Variants in SLC25A12 observed in about 807,000 individuals in gnomAD.
The protein encoded by SLC25A12 is solute carrier family 25 member 12.
A neutral mutation model predicts 83.3 loss-of-function variants in SLC25A12; 32 were observed. The ratio of observed to expected loss-of-function variants is 0.38; its 90% CI spans 0.29 to 0.52. The LOEUF (loss-of-function observed/expected upper bound fraction) is 0.52. Ranked by LOEUF, SLC25A12 falls within the 20% of genes least tolerant of loss-of-function variation. SLC25A12 has a pLI of 0.84. For synonymous variants in SLC25A12, 267 were observed against 291.1 expected, an observed-to-expected ratio of 0.92 and a Z score of 0.84; for missense variants, 611 against 835.6, an observed-to-expected ratio of 0.73 and a Z score of 3.31.
At chr2:171,842,943 T>A (rs1388972489) in intron 5 of SLC25A12, among the ~76,000 whole-genome samples, 3 of 152,118 alleles carry the variant, frequency 2.0e-5, no homozygotes, top group African/African-American at 7.2e-5. Context: ...TGCCTCAGCC[T>A]CTCCAGTAGC....
At chr2:171,875,246 G>T (rs564389252) in intron 2 of SLC25A12, among the ~76,000 whole-genome samples, 1 of 152,208 alleles carries the variant, frequency 6.6e-6, no homozygotes, top group Non-Finnish European at 1.5e-5. Flanking sequence ...GTATTTGGAC[G>T]CGAGAAGTTT....
chr2:171,891,447 A>G (rs1685936185), intron 2 of SLC25A12, among the ~76,000 whole-genome samples: 1 of 152,230 alleles, frequency 6.6e-6, no homozygotes. Context: ...TTAAAGCTAG[A>G]AAGACCTCAA....
chr2:171,854,093 T>C (rs891565411), intron 4 of SLC25A12, among the ~76,000 whole-genome samples: 83 of 152,222 alleles, frequency 5.5e-4, no homozygotes, highest in African/African-American at 1.9e-3. Context: ...CTACTGAAAA[T>C]AGAAAATGCA....
chr2:171,861,332 T>G (rs1685155237), intron 3 of SLC25A12, among the ~76,000 whole-genome samples: 1 of 152,150 alleles, frequency 6.6e-6, no homozygotes, highest in Non-Finnish European at 1.5e-5. Context: ...TACTGCATTA[T>G]AATGCAACAA....
At chr2:171,856,785 T>A (rs2105906624) in intron 3 of SLC25A12, 1 of 152,184 alleles carries the variant, frequency 6.6e-6, no homozygotes, top group South Asian at 2.1e-4. Flanking sequence ...ATTTACAAGA[T>A]AATCCGGGAA....
chr2:171,783,885 G>A lies in SLC25A12; in HGVS notation c.*1389C>T, dbSNP rs1690439293. Among the ~76,000 whole-genome samples, 1 of 152,188 alleles carries A rather than the reference G, an allele frequency of 6.6e-6. No homozygotes were observed. The highest frequency in any genetic ancestry group is 1.5e-5 in the Non-Finnish European group (1 of 68,046). The stretch of plus-strand genomic sequence containing the variant: ...AGGGCTGTCAGCCATCAATCGAGGA[G>A]CACTGTGCAGGATACTAAGTAACTT... On this transcript the variant is annotated 3_prime_UTR_variant, in exon 18 of 18. Transcript: ENST00000422440.
intron 5 of SLC25A12, 141 bp downstream of exon 5, chr2:171,844,228 G>A: frequency 1.3e-6 from 1 of 779,642 alleles, no homozygotes; most frequent in Non-Finnish European, 2.1e-6. Flanking sequence ...TAAAGAAGTT[G>A]TCTCTGGCGA....
intron 3 of SLC25A12, among the ~76,000 whole-genome samples, chr2:171,858,276 T>C (rs911077835): frequency 6.6e-5 from 10 of 152,202 alleles, no homozygotes; most frequent in Admixed American, 4.6e-4. Context: ...AATGTGTTAA[T>C]TGATACAAGG....
At position 171,787,816 on chromosome 2, in the gene SLC25A12, G is replaced by A. The variant is rs911319543; in HGVS notation, c.1717C>T (p.Pro573Ser). ...CFRKILREEG[P>S]SAFWKGTAAR... ...GCAGTCCCTTTCCAAAATGCTGAGG[G>A]CCCTTCTTCCCGGAGAATCTTCCTG... The change falls in exon 16 of 18, where the codon CCC becomes TCC. Residue 573 changes from proline to serine, a missense_variant. Physicochemically the swap from Pro to Ser is moderately conservative, Grantham distance 74. Around this residue, in one of 3 missense-constraint regions of SLC25A12, gnomAD observed 540 missense variants for 777.5 expected, o/e 0.69. Coordinates refer to ENST00000422440, the MANE Select transcript of SLC25A12 (RefSeq NM_003705.5). 2.5e-6 allele frequency: 4 copies of A among 1,614,044 alleles called. No homozygotes were observed. Among genetic ancestry groups the A allele is most frequent in the East Asian group, 2.2e-5 (1 of 44,892 alleles).
At chr2:171,789,353 C>T (rs1053438380) in intron 15 of SLC25A12, among the ~76,000 whole-genome samples, 1 of 152,198 alleles carries the variant, frequency 6.6e-6, no homozygotes, top group Non-Finnish European at 1.5e-5. Context: ...CTCAGCCTCC[C>T]CAGTAGCTGG....
chr2:171,786,971 C>T (rs140161234), intron 17 of SLC25A12, among the ~76,000 whole-genome samples: 128 of 152,320 alleles, frequency 8.4e-4, no homozygotes, highest in Middle Eastern at 3.4e-3. Context: ...ATAATAAAAT[C>T]CACATAATGA....
chr2:171,885,505 C>T (rs928663674), intron 2 of SLC25A12, among the ~76,000 whole-genome samples: 2 of 151,828 alleles, frequency 1.3e-5, no homozygotes, highest in Non-Finnish European at 2.9e-5. Flanking sequence ...GATGGTGAAA[C>T]CCTGTCTCTA....
At chr2:171,817,861 A>G (rs932423596) in intron 9 of SLC25A12, among the ~76,000 whole-genome samples, 6 of 152,180 alleles carry the variant, frequency 3.9e-5, no homozygotes, top group African/African-American at 1.2e-4. Context: ...ATTTTTCTGT[A>G]TACTTTCTTC....
intron 9 of SLC25A12, among the ~76,000 whole-genome samples, chr2:171,823,915 T>C (rs1684244624): frequency 1.3e-5 from 2 of 148,784 alleles, no homozygotes; most frequent in Non-Finnish European, 3.0e-5. Flanking sequence ...TGATTGTGCC[T>C]GGCTGACAGA....
Position 171,792,609 on chromosome 2 carries a change from T to C in SLC25A12, c.1446+1018A>G, listed in dbSNP as rs184212595. 6.0e-5 allele frequency among the ~76,000 whole-genome samples: 9 copies of C among 150,398 alleles called. 1 individual carries two copies. Among genetic ancestry groups the C allele is most frequent in the Admixed American group, 5.9e-4 (9 of 15,132 alleles). On this transcript the variant is annotated intron_variant, in intron 14 of 17. Transcript: ENST00000422440. ...CCAGTGCTCCCAGCCCTGGCTTTTTTAAAAAAAGACAAACTCAAACATTGA... is the reference window on the plus strand; with the variant it reads ...CCAGTGCTCCCAGCCCTGGCTTTTTCAAAAAAAGACAAACTCAAACATTGA...
intron 4 of SLC25A12, among the ~76,000 whole-genome samples, chr2:171,855,160 C>A (rs1248969351): frequency 6.6e-6 from 1 of 152,132 alleles, no homozygotes; most frequent in Admixed American, 6.5e-5. Flanking sequence ...TTAGCCAATA[C>A]TTTTACTAAA....
chr2:171,802,666 C>G (rs1683733681), intron 13 of SLC25A12, among the ~76,000 whole-genome samples: 1 of 152,158 alleles, frequency 6.6e-6, no homozygotes, highest in Non-Finnish European at 1.5e-5. Context: ...GTCCCAACTA[C>G]TCGGGAGGCT....
chr2:171,861,588 TG>T (rs1685160735), intron 3 of SLC25A12, among the ~76,000 whole-genome samples: 1 of 152,106 alleles, frequency 6.6e-6, no homozygotes, highest in Non-Finnish European at 1.5e-5. Flanking sequence ...TAAATGTTTT[TG>T]TATAGACGGG....
intron 3 of SLC25A12, among the ~76,000 whole-genome samples, chr2:171,867,110 G>A (rs1323999914): frequency 6.6e-6 from 1 of 151,774 alleles, no homozygotes; most frequent in African/African-American, 2.4e-5. Context: ...CTTCCTAGAT[G>A]GGATGGCGGC....
Sources: allele counts gnomAD v4.1 joint callset (sites outside exome capture counted in the v4.1 genomes callset), GRCh38; gene constraint gnomAD v4.1.1; regional missense constraint gnomAD v4.1.1; transcripts MANE v1.5; gene names NCBI Gene and HGNC (gene_info 2026-07-23, HGNC 2026-07-21).